Variants in CELF1 observed in about 807,000 individuals in gnomAD.
The protein encoded by CELF1 is 50 kDa nuclear polyadenylated RNA-binding protein.
Under a neutral mutation model 61.8 loss-of-function variants are expected in CELF1, and 10 were observed. The ratio of observed to expected loss-of-function variants is 0.16; its 90% confidence interval spans 0.10 to 0.27. The LOEUF is 0.27. Among genes scored for constraint, CELF1 ranks in the 10% least tolerant of loss-of-function variants. The pLI, the probability that CELF1 is intolerant of heterozygous loss-of-function variation, is 1.00. For synonymous variants in CELF1, 236 were observed against 225.1 expected, an observed-to-expected ratio of 1.05 and a Z score of -0.43; for missense variants, 380 against 639.1, an observed-to-expected ratio of 0.59 and a Z score of 4.37.
chr11:47,505,440 T>A lies in CELF1; in HGVS notation c.-153-4508A>T, dbSNP rs182218724. Among the ~76,000 whole-genome samples, 17 of 150,694 alleles carry A rather than the reference T, an allele frequency of 1.1e-4. No homozygotes were observed. In the East Asian group the frequency reaches 3.1e-3, roughly 27 times the overall value. On this transcript the variant is annotated intron_variant, in intron 1 of 14. Coordinates refer to ENST00000687097, the MANE Select transcript of CELF1 (RefSeq NM_001376376.1). ...CGAGGTCAGATCGAGACCACCCTGG[T>A]TAACACGGTGAAATCCCCTCTCTAC...
intron 1 of CELF1, among the ~76,000 whole-genome samples, chr11:47,535,833 G>A (rs2096616364): frequency 6.6e-6 from 1 of 150,530 alleles, no homozygotes; most frequent in Non-Finnish European, 1.5e-5. Flanking sequence ...TGCAATCTCG[G>A]CTCACTGCAA....
At position 47,472,353 on chromosome 11, in the gene CELF1, A is replaced by G; in HGVS notation, c.1422T>C (p.Phe474=). 6.2e-7 allele frequency: 1 copy of G among 1,613,942 alleles called. No homozygotes were observed. The highest frequency in any genetic ancestry group is 8.5e-7 in the Non-Finnish European group (1 of 1,179,838). Residue 474 remains phenylalanine, a synonymous_variant, in exon 15 of 15, where the codon TTT becomes TTC. Coordinates refer to ENST00000687097, the MANE Select transcript of CELF1 (RefSeq NM_001376376.1). ...KQTNLSKCFG[F]VSYDNPVSAQ... is the part of the protein sequence containing the mutation. ...CCGAAACAGGATTGTCGTAACTTAC[A>G]AAACCTGTGTGTCCAAGCAGAAACC...
intron 1 of CELF1, among the ~76,000 whole-genome samples, chr11:47,512,367 A>G (rs1482962680): frequency 6.6e-6 from 1 of 151,008 alleles, no homozygotes; most frequent in Non-Finnish European, 1.5e-5. Context: ...ATTAGCCAGG[A>G]TAGTCCTGAT....
At chr11:47,507,292 T>C (rs964702358) in intron 1 of CELF1, among the ~76,000 whole-genome samples, 4 of 152,174 alleles carry the variant, frequency 2.6e-5, no homozygotes, top group African/African-American at 9.7e-5. Context: ...GCTGTATAAT[T>C]CTTTTAGCAA....
At chr11:47,555,734 G>A (rs929159337), upstream of CELF1, among the ~76,000 whole-genome samples, 2 of 152,040 alleles carry the variant, frequency 1.3e-5, no homozygotes, top group Non-Finnish European at 2.9e-5. Flanking sequence ...TCGGCCAGGC[G>A]CGGTAGCTCA....
intron 1 of CELF1, among the ~76,000 whole-genome samples, chr11:47,541,706 GAA>G (rs1222136364): frequency 1.1e-4 from 2 of 17,392 alleles, no homozygotes; most frequent in Admixed American, 8.9e-4. Context: ...AAGAAAGAAA[GAA>G]AGAAAGAAAG....
intron 6 of CELF1, among the ~76,000 whole-genome samples, chr11:47,485,645 G>A (rs1260495400): frequency 2.0e-5 from 3 of 150,948 alleles, no homozygotes; most frequent in Non-Finnish European, 4.4e-5. Flanking sequence ...GCAGTGGCAC[G>A]ATCTCAGCAT....
At chr11:47,506,202 G>A (rs575292762) in intron 1 of CELF1, among the ~76,000 whole-genome samples, 1 of 151,100 alleles carries the variant, frequency 6.6e-6, no homozygotes, top group South Asian at 2.1e-4. Context: ...CGAGGTGGGA[G>A]GATCACAAGG....
chr11:47,525,539 T>C (rs1225002160), intron 1 of CELF1, among the ~76,000 whole-genome samples: 1 of 152,168 alleles, frequency 6.6e-6, no homozygotes, highest in Non-Finnish European at 1.5e-5. Context: ...CTCAAACTCC[T>C]AGGTACAAGT....
intron 1 of CELF1, chr11:47,524,766 G>A (rs1168756609): frequency 3.3e-5 from 5 of 152,200 alleles, no homozygotes; most frequent in African/African-American, 1.2e-4. Context: ...GCTCAGAGAG[G>A]GAGGAGCAGG....
chr11:47,526,016 A>G (rs2096222504), intron 1 of CELF1, among the ~76,000 whole-genome samples: 1 of 151,928 alleles, frequency 6.6e-6, no homozygotes, highest in Non-Finnish European at 1.5e-5. Flanking sequence ...TGCTTATCCC[A>G]CCTACCAGAA....
chr11:47,500,761 C>A (rs1252147641), intron 2 of CELF1, 100 bp downstream of exon 2: 6 of 394,826 alleles, frequency 1.5e-5, no homozygotes, highest in Non-Finnish European at 2.7e-5. Context: ...CAACAAATGG[C>A]GGCATTTCAA....
chr11:47,488,828 A>G lies in CELF1; in HGVS notation c.259+9T>C. On this transcript the variant is annotated intron_variant, in intron 4 of 14. Coordinates refer to ENST00000687097, the MANE Select transcript of CELF1 (RefSeq NM_001376376.1). ...AAAAATAAGATAAACCAAAACCCAA[A>G]GCCCTAACCTTTGCTCTGAGGCGGG... is the stretch of plus-strand genomic sequence containing the variant. 1.4e-6 allele frequency: 2 copies of G among 1,456,742 alleles called. No individual in the cohort carries two copies. Among genetic ancestry groups the G allele is most frequent in the Non-Finnish European group, 1.8e-6 (2 of 1,099,098 alleles). 90.2% of individuals were successfully genotyped at this position (1,456,742 alleles called of 1,614,324 possible). A position where few individuals can be genotyped will look rare whatever the true frequency, so the allele number is the denominator to read the frequency against.
intron 1 of CELF1, among the ~76,000 whole-genome samples, chr11:47,541,800 A>C (rs1176387476): frequency 3.8e-5 from 5 of 131,992 alleles, no homozygotes; most frequent in African/African-American, 1.4e-4. Context: ...GAACGAAAGA[A>C]AGAAAGAAAG....
intron 1 of CELF1, among the ~76,000 whole-genome samples, chr11:47,514,518 G>A (rs1163895309): frequency 1.3e-5 from 2 of 152,002 alleles, no homozygotes; most frequent in Non-Finnish European, 2.9e-5. Context: ...CTATTTTAGA[G>A]GCACTCAGAT....
rs35621873 is a variant in CELF1, at chr11:47,562,529, CAAAAAAAAA to C, written c.-11+1813_-11+1821del. Among the ~76,000 whole-genome samples the C allele has an allele frequency of 1.8e-4, 16 of 91,122 alleles. No homozygotes were observed. The East Asian group carries it at 3.6e-3, about 21-fold the overall frequency. The allele number at this position is 91,122 out of a possible 152,430, so 59.8% of individuals were successfully genotyped here. On this transcript the variant is annotated intron_variant, in intron 2 of 3. Coordinates refer to the CELF1 transcript ENST00000525841. The stretch of plus-strand genomic sequence containing the variant: ...GGGCAACAGGAGTGAAACTCTATCT[CAAAAAAAAA>C]AAAAAAAAAAAGCAGCCAGATACAA...
intron 1 of CELF1, among the ~76,000 whole-genome samples, chr11:47,519,489 A>G (rs1280830309): frequency 1.2e-5 from 1 of 83,216 alleles, no homozygotes; most frequent in Non-Finnish European, 3.2e-5. Flanking sequence ...CTAAATAAAT[A>G]AATAAATAAA....
At chr11:47,486,935 A>C in intron 5 of CELF1, 137 bp from the exon 6 acceptor site, 1 of 775,388 alleles carries the variant, frequency 1.3e-6, no homozygotes, top group Admixed American at 2.3e-5. Context: ...CTTTCCCCAG[A>C]AAACAGAATG....
Position 47,469,524 on chromosome 11 carries a change from CA to C in CELF1, c.*2705del. ...TGCTTAAGACTTGACAGCGAGTCTC[CA>C]CTCTGAGCTGAGCCCTTTCACACGT... On this transcript the variant is annotated 3_prime_UTR_variant, in exon 15 of 15. Transcript: ENST00000687097. 6.6e-6 allele frequency: 1 copy of C among 152,388 alleles called. No individual in the cohort carries two copies. Among genetic ancestry groups the C allele is most frequent in the East Asian group, 1.9e-4 (1 of 5,184 alleles). The allele number at this position is 152,388 out of a possible 1,614,324, so 9.4% of individuals were successfully genotyped here.
Sources: allele counts gnomAD v4.1 joint callset (sites outside exome capture counted in the v4.1 genomes callset), GRCh38; gene constraint gnomAD v4.1.1; transcripts MANE v1.5; gene names NCBI Gene and HGNC (gene_info 2026-07-23, HGNC 2026-07-21).